CAPS2: variants seen among roughly 807,000 people sequenced by gnomAD.
The protein encoded by CAPS2 is calcyphosin-2.
In CAPS2, 98 loss-of-function variants were observed where a neutral mutation model predicts 86.5. That is an observed-to-expected ratio of 1.13 (90% CI 0.96 to 1.34). The LOEUF (loss-of-function observed/expected upper bound fraction) is 1.34, where lower values mean the gene tolerates loss of function less well. CAPS2 is among the 40% of genes most tolerant of loss of function. The pLI, the probability that CAPS2 is intolerant of heterozygous loss-of-function variation, is 0.00. For synonymous variants in CAPS2, 210 were observed against 225.1 expected (o/e 0.93, Z 0.60); for missense variants, 729 against 686.8 (o/e 1.06, Z -0.69).
rs552594261 is a variant in CAPS2 at position 75,350,728 on chromosome 12, T to C, written c.-394-27506A>G. Among the ~76,000 whole-genome samples the C allele has an allele frequency of 3.6e-4, 55 of 152,246 alleles. 1 individual carries two copies. Among genetic ancestry groups the C allele is most frequent in the Admixed American group, 3.3e-3 (51 of 15,292 alleles). On this transcript the variant is annotated intron_variant, in intron 1 of 5. Coordinates refer to the CAPS2 transcript ENST00000551829. The stretch of plus-strand genomic sequence containing the variant: ...CAAAGATCAAAGGTAGATAAACCCT[T>C]GAAGATGAGAAAGAATCAACGCAAA...
At chr12:75,318,126 C>T (rs1284370416) in intron 5 of CAPS2, 1 of 152,080 alleles carries the variant, frequency 6.6e-6, no homozygotes, top group Non-Finnish European at 1.5e-5. Context: ...ATGTCCTGCA[C>T]ATTCATCCTT....
intron 6 of CAPS2, among the ~76,000 whole-genome samples, chr12:75,315,287 A>G (rs575670975): frequency 9.2e-5 from 14 of 152,220 alleles, no homozygotes; most frequent in Non-Finnish European, 1.9e-4. Context: ...ATATAACTTC[A>G]GGGATATATC....
At chr12:75,334,972 C>T (rs1284758930), upstream of CAPS2, 2 of 1,428,794 alleles carry the variant, frequency 1.4e-6, no homozygotes, top group Non-Finnish European at 1.9e-6. Context: ...ATAAATTTCA[C>T]GGACTTAACT....
upstream of CAPS2, among the ~76,000 whole-genome samples, chr12:75,329,329 G>A (rs1373330053): frequency 1.3e-5 from 2 of 152,150 alleles, no homozygotes; most frequent in Non-Finnish European, 2.9e-5. Context: ...TTGGAGATAG[G>A]GAGTAGCAAA....
downstream of CAPS2, chr12:75,276,785 T>C (rs1050570620): frequency 3.0e-5 from 27 of 890,128 alleles, no homozygotes; most frequent in Non-Finnish European, 3.5e-5. Flanking sequence ...TACAAAGACA[T>C]AGAGATCTAT....
chr12:75,376,707 G>A (rs1406576041), intron 1 of CAPS2, among the ~76,000 whole-genome samples: 5 of 152,182 alleles, frequency 3.3e-5, no homozygotes, highest in Non-Finnish European at 7.3e-5. Flanking sequence ...ATTCCAAGTT[G>A]TAGGGTCCCA....
chr12:75,306,782 C>G (rs546558890), intron 7 of CAPS2, among the ~76,000 whole-genome samples: 1 of 152,128 alleles, frequency 6.6e-6, no homozygotes, highest in African/African-American at 2.4e-5. Context: ...TCTTCATGAC[C>G]TTGCTGGGCA....
At chr12:75,278,792 G>A in exon 17 of CAPS2, 1 of 1,349,752 alleles carries the variant, frequency 7.4e-7, no homozygotes, top group East Asian at 2.8e-5. Context: ...AATAAAGGAA[G>A]TCCTAGGAAA....
chr12:75,333,286 A>G (rs1470467026), upstream of CAPS2, among the ~76,000 whole-genome samples: 1 of 152,144 alleles, frequency 6.6e-6, no homozygotes, highest in African/African-American at 2.4e-5. Context: ...ACAGATTTAT[A>G]CATAGAGAGA....
At chr12:75,370,534 C>G (rs543632790) in intron 1 of CAPS2, 1 of 160,094 alleles carries the variant, frequency 6.2e-6, no homozygotes, top group South Asian at 1.9e-4. Flanking sequence ...TTTATGAATA[C>G]CATCAACATC....
intron 1 of CAPS2, among the ~76,000 whole-genome samples, chr12:75,380,994 C>A (rs2044932594): frequency 6.6e-6 from 1 of 152,052 alleles, no homozygotes; most frequent in Non-Finnish European, 1.5e-5. Flanking sequence ...TATAAATAGT[C>A]TCGGATTTAT....
exon 17 of CAPS2, chr12:75,277,941 G>A: frequency 1.2e-6 from 1 of 842,692 alleles, no homozygotes; most frequent in Non-Finnish European, 1.4e-6. Flanking sequence ...TGTTTCAATT[G>A]TTTGTTATAC....
At position 75,377,840 on chromosome 12, in the gene CAPS2, G is replaced by GATATATATATATATATATATATAT; in HGVS notation, c.-395+12997_-395+12998insATATATATATATATATATATATAT. On this transcript the variant is annotated intron_variant, in intron 1 of 5. Coordinates refer to the CAPS2 transcript ENST00000551829. ...TTGATACTTAATATTAACCATCACAGATATATATATATATATATATGCGTG... is the reference window on the plus strand; with the variant it reads ...TTGATACTTAATATTAACCATCACAGATATATATATATATATATATATATATATATATATATATATATATGCGTG... Among the ~76,000 whole-genome samples the GATATATATATATATATATATATAT allele has an allele frequency of 3.4e-5, 5 of 146,986 alleles. No individual in the cohort carries two copies. In the South Asian group the frequency reaches 8.7e-4, roughly 26 times the overall value.
chr12:75,340,592 T>C (rs925448155), intron 1 of CAPS2, among the ~76,000 whole-genome samples: 1 of 151,880 alleles, frequency 6.6e-6, no homozygotes, highest in African/African-American at 2.4e-5. Flanking sequence ...TTTGACCTCA[T>C]CAAAATAAGA....
At chr12:75,378,408 G>A (rs1002715664) in intron 1 of CAPS2, among the ~76,000 whole-genome samples, 1 of 152,182 alleles carries the variant, frequency 6.6e-6, no homozygotes, top group Non-Finnish European at 1.5e-5. Flanking sequence ...GAAAGGGGGA[G>A]AGGGAGAAGG....
chr12:75,306,399 A>T, intron 7 of CAPS2: 1 of 375,744 alleles, frequency 2.7e-6, no homozygotes, highest in Non-Finnish European at 5.0e-6. Context: ...TCTGACCCTC[A>T]CCAGGCCTGT....
Position 75,285,023 on chromosome 12 carries a change from C to A in CAPS2, c.1453G>T (p.Gly485Ter). ...CCAATAATACCACGTTTGAATTCTC[C>A]ATAATCAACCTTGCCATTGCCATTG... is the stretch of plus-strand genomic sequence containing the variant. Residue 485 changes from glycine to a stop codon, truncating the protein, a stop_gained, in exon 15 of 17, where the codon GGA becomes TGA. Transcript: ENST00000393284. LOFTEE classifies it high-confidence loss of function. 6.2e-7 allele frequency: 1 copy of A among 1,610,522 alleles called. No homozygotes were observed. Among genetic ancestry groups the A allele is most frequent in the Non-Finnish European group, 8.5e-7 (1 of 1,178,126 alleles).
chr12:75,314,775 G>T (rs2039587477), intron 6 of CAPS2, among the ~76,000 whole-genome samples: 1 of 152,106 alleles, frequency 6.6e-6, no homozygotes, highest in Admixed American at 6.6e-5. Flanking sequence ...TAGAGCCCAT[G>T]CAGAAAGCCC....
intron 8 of CAPS2, among the ~76,000 whole-genome samples, chr12:75,301,250 A>G (rs570929434): frequency 1.3e-5 from 2 of 152,354 alleles, no homozygotes; most frequent in Admixed American, 1.3e-4. Flanking sequence ...ATTAGTAAGT[A>G]AGTGTGTGGG....
Sources: gnomAD v4.1 joint callset for allele counts (sites outside exome capture counted in the v4.1 genomes callset) on GRCh38, gnomAD v4.1.1 for gene constraint, MANE v1.5 for transcripts, NCBI Gene and HGNC (gene_info 2026-07-23, HGNC 2026-07-21) for gene names.